Variants in WDR70 observed in about 807,000 individuals in gnomAD.
WDR70 encodes the protein WD repeat domain 70, also known as WD repeat-containing protein 70.
WDR70 carries 53 observed loss-of-function variants against 88.6 expected under a neutral mutation model. That is an observed-to-expected ratio of 0.60 (90% CI 0.48 to 0.75). WDR70 has a LOEUF of 0.75. Ranked by LOEUF, WDR70 falls within the 30% of genes least tolerant of loss-of-function variation. The pLI is 0.00. For missense variants in WDR70, 610 were observed against 823.2 expected (o/e 0.74, Z 3.17); for synonymous variants, 280 against 270.0 (o/e 1.04, Z -0.36).
intron 10 of WDR70, among the ~76,000 whole-genome samples, chr5:37,685,890 CA>C (rs986567334): frequency 7.4e-4 from 112 of 152,268 alleles, no homozygotes; most frequent in African/African-American, 2.6e-3. Flanking sequence ...TAACCCCACA[CA>C]AGTTCCCAGC....
chr5:37,489,690 C>T (rs1387171527), intron 8 of WDR70, among the ~76,000 whole-genome samples: 1 of 151,868 alleles, frequency 6.6e-6, no homozygotes, highest in East Asian at 1.9e-4. Flanking sequence ...GCACAGCAAT[C>T]CTAGGCTATA....
intron 10 of WDR70, among the ~76,000 whole-genome samples, chr5:37,621,375 TGTATTC>T (rs1744500735): frequency 6.6e-6 from 1 of 152,158 alleles, no homozygotes; most frequent in South Asian, 2.1e-4. Flanking sequence ...TGATATTTAG[TGTATTC>T]ACAGTGTTGC....
rs187179307 is a variant in WDR70, at chr5:37,383,416, C to T, written c.175+1731C>T. Among the ~76,000 whole-genome samples the T allele has an allele frequency of 3.8e-4, 58 of 152,086 alleles. No homozygotes were observed. In the East Asian group the frequency reaches 4.1e-3, roughly 11 times the overall value. On this transcript the variant is annotated intron_variant, in intron 3 of 17. Coordinates refer to ENST00000265107, the MANE Select transcript of WDR70 (RefSeq NM_018034.4). Reference sequence around the variant, plus strand: ...CTGGGATTACAGGTGACCACCACCACGCCTGGCTAATTTTTTTGTATTTTT... The same window carrying T: ...CTGGGATTACAGGTGACCACCACCATGCCTGGCTAATTTTTTTGTATTTTT...
At chr5:37,619,866 C>A (rs2112502059) in intron 10 of WDR70, 1 of 149,150 alleles carries the variant, frequency 6.7e-6, no homozygotes, top group South Asian at 2.1e-4. Flanking sequence ...AAGAGCTTTG[C>A]AAGATTCTGT....
intron 10 of WDR70, among the ~76,000 whole-genome samples, chr5:37,670,833 G>A (rs1746004519): frequency 6.6e-6 from 1 of 152,148 alleles, no homozygotes; most frequent in South Asian, 2.1e-4. Flanking sequence ...ACGGAATGGG[G>A]TCTTTATTTT....
intron 10 of WDR70, among the ~76,000 whole-genome samples, chr5:37,606,725 A>G (rs1744038955): frequency 6.6e-6 from 1 of 152,142 alleles, no homozygotes. Flanking sequence ...AAATGAATGT[A>G]AGTTTATTAT....
intron 9 of WDR70, among the ~76,000 whole-genome samples, chr5:37,538,752 AGAATGAAAATTAAT>A (rs1314417563): frequency 2.6e-5 from 4 of 152,218 alleles, no homozygotes; most frequent in Non-Finnish European, 4.4e-5. Flanking sequence ...TAAGTTTACC[AGAATGAAAATTAAT>A]GATGAAGTAT....
intron 9 of WDR70, among the ~76,000 whole-genome samples, chr5:37,568,304 C>T (rs2112397823): frequency 6.6e-6 from 1 of 152,274 alleles, no homozygotes; most frequent in African/African-American, 2.4e-5. Flanking sequence ...GGTCTATGAC[C>T]TGGTCCTTAC....
chr5:37,733,446 G>A (rs1748211389), intron 17 of WDR70, among the ~76,000 whole-genome samples: 1 of 151,944 alleles, frequency 6.6e-6, no homozygotes, highest in Admixed American at 6.6e-5. Flanking sequence ...ATTTCAAGTT[G>A]GTTTAACCAG....
intron 13 of WDR70, among the ~76,000 whole-genome samples, chr5:37,706,795 C>T (rs979395762): frequency 1.5e-4 from 23 of 151,826 alleles, no homozygotes; most frequent in African/African-American, 5.6e-4. Flanking sequence ...TTATCTAATT[C>T]TTTGTGATTT....
intron 8 of WDR70, among the ~76,000 whole-genome samples, chr5:37,503,564 C>T (rs1482245666): frequency 1.3e-5 from 2 of 152,162 alleles, no homozygotes; most frequent in Non-Finnish European, 2.9e-5. Flanking sequence ...ATAATGGCCT[C>T]CAGCTCCATC....
chr5:37,452,216 G>T (rs577502958), intron 7 of WDR70, among the ~76,000 whole-genome samples: 3 of 151,982 alleles, frequency 2.0e-5, no homozygotes, highest in African/African-American at 7.2e-5. Flanking sequence ...TTGAATATGG[G>T]AGAGTCAAAC....
chr5:37,446,344 C>T (rs1167342152), intron 7 of WDR70, among the ~76,000 whole-genome samples: 4 of 152,082 alleles, frequency 2.6e-5, no homozygotes, highest in African/African-American at 4.8e-5. Context: ...GAATCAATAT[C>T]GTGAAAATGG....
intron 8 of WDR70, 95 bp downstream of exon 8, chr5:37,480,082 G>C (rs1739616729): frequency 6.9e-7 from 1 of 1,453,934 alleles, no homozygotes; most frequent in African/African-American, 1.4e-5. Context: ...CCAAAAGTTA[G>C]TGTCATAAAA....
intron 17 of WDR70, among the ~76,000 whole-genome samples, chr5:37,748,739 G>A (rs1220211468): frequency 6.6e-6 from 1 of 152,158 alleles, no homozygotes; most frequent in Non-Finnish European, 1.5e-5. Flanking sequence ...CTAATATCCA[G>A]AATTTACAAG....
rs191580709 is a variant in WDR70 at position 37,471,145 on chromosome 5, G to A, written c.687-8689G>A. Among the ~76,000 whole-genome samples, 255 of 152,274 alleles carry A rather than the reference G, an allele frequency of 1.7e-3. 1 individual carries two copies. The highest frequency in any genetic ancestry group is 5.4e-3 in the South Asian group (26 of 4,830). ...GATTCACCCGCCTTGGCCTCCCAAA[G>A]TGCTGGGATTACAGGTGTGAGCCAC... On this transcript the variant is annotated intron_variant, in intron 7 of 17. Coordinates refer to ENST00000265107, the MANE Select transcript of WDR70 (RefSeq NM_018034.4).
intron 17 of WDR70, among the ~76,000 whole-genome samples, chr5:37,744,348 C>T (rs1484598659): frequency 6.6e-6 from 1 of 151,802 alleles, no homozygotes; most frequent in Non-Finnish European, 1.5e-5. Context: ...TGCTGAAAAC[C>T]CACAAGGCCA....
chr5:37,516,191 T>C (rs191087513), intron 8 of WDR70, among the ~76,000 whole-genome samples: 1 of 152,320 alleles, frequency 6.6e-6, no homozygotes, highest in East Asian at 1.9e-4. Context: ...TCTTTCTTAT[T>C]TTGGCTTTAC....
chr5:37,717,913 C>T (rs765153368), intron 13 of WDR70, among the ~76,000 whole-genome samples: 2 of 152,144 alleles, frequency 1.3e-5, no homozygotes, highest in Non-Finnish European at 2.9e-5. Flanking sequence ...TTCTTCATTT[C>T]GTGTTTTAGA....
Sources: gnomAD v4.1 joint callset for allele counts (sites outside exome capture counted in the v4.1 genomes callset) on GRCh38, gnomAD v4.1.1 for gene constraint, MANE v1.5 for transcripts, NCBI Gene and HGNC (gene_info 2026-07-23, HGNC 2026-07-21) for gene names.